Variants in RYR2 observed in about 807,000 individuals in gnomAD.
RYR2 encodes the protein cardiac muscle ryanodine receptor-calcium release channel.
RYR2 carries 227 observed loss-of-function variants against 601.1 expected under a neutral mutation model. That is an observed-to-expected ratio of 0.38 (90% confidence interval 0.34 to 0.42). The LOEUF (loss-of-function observed/expected upper bound fraction) is 0.42. Among genes scored for constraint, RYR2 ranks in the 10% least tolerant of loss-of-function variants. RYR2 has a pLI of 1.00. For missense variants in RYR2, 4,646 were observed against 6,156.5 expected, an observed-to-expected ratio of 0.75 and a Z score of 8.21; for synonymous variants, 2,223 against 2,175.1, an observed-to-expected ratio of 1.02 and a Z score of -0.61.
chr1:237,379,406 TA>T (rs1701273987), intron 8 of RYR2, among the ~76,000 whole-genome samples: 2 of 152,150 alleles, frequency 1.3e-5, no homozygotes, highest in Non-Finnish European at 2.9e-5. Context: ...TTCTCATCTG[TA>T]AAAAATGAGG....
intron 17 of RYR2, among the ~76,000 whole-genome samples, chr1:237,477,749 TGTGA>T (rs1395963408): frequency 5.3e-5 from 8 of 152,170 alleles, no homozygotes; most frequent in Admixed American, 4.6e-4. Context: ...TTCTCTGCAT[TGTGA>T]GTAACTTAGT....
In RYR2 at chr1:237,595,532, G is replaced by C. The variant is rs1212392127; in HGVS notation, c.4471G>C (p.Gly1491Arg). 1.2e-6 allele frequency: 2 copies of C among 1,613,554 alleles called. No homozygotes were observed. The highest frequency in any genetic ancestry group is 1.7e-6 in the Non-Finnish European group (2 of 1,179,698). Residue 1491 changes from glycine (G) to arginine (R), a missense_variant, in exon 34 of 105, where the codon GGT becomes CGT. Around this residue, in one of 17 missense-constraint regions of RYR2, gnomAD observed 1,807 missense variants for 2,088.1 expected, o/e 0.87. Transcript: ENST00000366574. The part of the protein sequence containing the change: ...KRSNCYMVCA[G>R]ESMSPGQGRN... The stretch of plus-strand genomic sequence containing the variant: ...CAGCAACTGCTATATGGTATGTGCG[G>C]GTGAGAGCATGAGCCCCGGGCAAGG...
At chr1:237,099,129 C>T (rs1223569457) in intron 1 of RYR2, among the ~76,000 whole-genome samples, 1 of 151,248 alleles carries the variant, frequency 6.6e-6, no homozygotes. Context: ...CCAGGAAATT[C>T]AATATCAGCA....
At chr1:237,311,137 A>G (rs921710300) in intron 2 of RYR2, among the ~76,000 whole-genome samples, 4 of 152,180 alleles carry the variant, frequency 2.6e-5, no homozygotes, top group African/African-American at 9.6e-5. Context: ...TCACTCAAAA[A>G]ATAGTTGGCT....
chr1:237,494,989 C>T (rs1166815678), intron 19 of RYR2, among the ~76,000 whole-genome samples: 1 of 152,052 alleles, frequency 6.6e-6, no homozygotes, highest in Non-Finnish European at 1.5e-5. Flanking sequence ...CGGGGTTTCA[C>T]CATGTTGGCC....
intron 2 of RYR2, among the ~76,000 whole-genome samples, chr1:237,322,432 G>A (rs916861512): frequency 3.3e-5 from 5 of 152,130 alleles, no homozygotes; most frequent in Non-Finnish European, 7.4e-5. Flanking sequence ...GAGGGCATGA[G>A]ACAAGGAACT....
rs56133827 is a variant in RYR2, at chr1:237,208,936, GTATATATATATATATATATA to G, written c.49-61531_49-61512del. 5.3e-3 allele frequency among the ~76,000 whole-genome samples: 479 copies of G among 89,876 alleles called. 10 individuals carry two copies. Among genetic ancestry groups the G allele is most frequent in the Middle Eastern group, 0.014 (2 of 142 alleles). The allele number at this position is 89,876 out of a possible 152,430, so 59.0% of individuals were successfully genotyped here. On this transcript the variant is annotated intron_variant, in intron 1 of 104. Transcript: ENST00000366574. Reference sequence around the variant, plus strand: ...CATCTGTACAACCAAATGTGTGTGTGTATATATATATATATATATATATATATATATATATATATATATAT... The same window carrying G: ...CATCTGTACAACCAAATGTGTGTGTGTATATATATATATATATATATATAT...
chr1:237,153,254 G>T (rs1318882028), intron 1 of RYR2, among the ~76,000 whole-genome samples: 1 of 152,148 alleles, frequency 6.6e-6, no homozygotes, highest in Non-Finnish European at 1.5e-5. Context: ...GGGAAGGAAT[G>T]AATTAGGAAG....
In RYR2 at chr1:237,643,306, G is replaced by GT. The variant is rs145140335; in HGVS notation, c.7222-12dup. ...ATTGATGTCACAAAGTTGTTCTAAT[G>GT]TTTTTTTTTCCCCTGTATAGTTGAT... is the stretch of plus-strand genomic sequence containing the variant. On this transcript the variant is annotated intron_variant, in intron 47 of 104. Coordinates refer to ENST00000366574, the MANE Select transcript of RYR2 (RefSeq NM_001035.3). 4,926 of 1,565,530 alleles carry GT rather than the reference G, an allele frequency of 3.1e-3. 83 individuals carry two copies. The African/African-American group carries it at 0.044, about 14-fold the overall frequency.
intron 63 of RYR2, among the ~76,000 whole-genome samples, chr1:237,688,460 C>T (rs1334173168): frequency 6.6e-6 from 1 of 151,916 alleles, no homozygotes; most frequent in African/African-American, 2.4e-5. Context: ...AAGTTCTTCA[C>T]ATTACACTTT....
At chr1:237,147,181 A>G (rs1190893633) in intron 1 of RYR2, among the ~76,000 whole-genome samples, 1 of 152,218 alleles carries the variant, frequency 6.6e-6, no homozygotes, top group Non-Finnish European at 1.5e-5. Flanking sequence ...GCTGAATTGC[A>G]TATTTACATG....
intron 32 of RYR2, 137 bp downstream of exon 32, chr1:237,591,990 G>A (rs1675255785): frequency 1.3e-5 from 9 of 695,956 alleles, no homozygotes; most frequent in Non-Finnish European, 1.8e-5. Flanking sequence ...ATATATTTTG[G>A]GGACTGAAAG....
intron 101 of RYR2, 43 bp from the exon 102 acceptor site, chr1:237,828,338 C>A: frequency 7.3e-7 from 1 of 1,370,842 alleles, no homozygotes; most frequent in African/African-American, 1.4e-5. Context: ...CTGAATTATT[C>A]ATTGCTTGAT....
chr1:237,063,599 T>TAC (rs1193815084), intron 1 of RYR2, among the ~76,000 whole-genome samples: 2 of 147,046 alleles, frequency 1.4e-5, no homozygotes, highest in African/African-American at 5.4e-5. Context: ...CACACACACA[T>TAC]ACACACTCTC....
intron 98 of RYR2, among the ~76,000 whole-genome samples, chr1:237,805,416 T>TA (rs1214684063): frequency 6.6e-6 from 1 of 151,764 alleles, no homozygotes; most frequent in East Asian, 1.9e-4. Context: ...CCGTCTCTAC[T>TA]AAAAATACAA....
intron 84 of RYR2, among the ~76,000 whole-genome samples, chr1:237,765,783 A>T (rs1351098521): frequency 6.6e-6 from 1 of 152,210 alleles, no homozygotes; most frequent in Non-Finnish European, 1.5e-5. Context: ...TTTTCTTAAC[A>T]TCCTTGCAGT....
chr1:237,727,174 A>G lies in RYR2; in HGVS notation c.10813A>G (p.Met3605Val), dbSNP rs745936598. Residue 3605 changes from methionine (M) to valine (V), a missense_variant, in exon 76 of 105, where the codon ATG (methionine) becomes GTG (valine). Around this residue, in one of 17 missense-constraint regions of RYR2, gnomAD observed 1,497 missense variants for 1,842.6 expected, o/e 0.81. Coordinates refer to ENST00000366574, the MANE Select transcript of RYR2 (RefSeq NM_001035.3). ...RKRAVVACFR[M>V]APLYNLPRHR... ...AAGGGCTGTTGTAGCCTGCTTCCGG[A>G]TGGCCCCCTTATATAATCTGCCAAG... 4 of 1,573,076 alleles carry G rather than the reference A, an allele frequency of 2.5e-6. No individual in the cohort carries two copies. Among genetic ancestry groups the G allele is most frequent in the Non-Finnish European group, 3.5e-6 (4 of 1,156,146 alleles).
intron 2 of RYR2, among the ~76,000 whole-genome samples, chr1:237,293,518 C>T (rs140775538): frequency 0.012 from 1,854 of 152,264 alleles, 17 homozygotes; most frequent in Non-Finnish European, 0.017. Flanking sequence ...GCCCCTACTT[C>T]AGATTCCAGC....
At chr1:237,202,168 A>G (rs1681267927) in intron 1 of RYR2, among the ~76,000 whole-genome samples, 1 of 152,224 alleles carries the variant, frequency 6.6e-6, no homozygotes, top group Non-Finnish European at 1.5e-5. Context: ...ATTTACTTAT[A>G]CAATTTGCAT....
Sources: allele counts gnomAD v4.1 joint callset (sites outside exome capture counted in the v4.1 genomes callset), GRCh38; gene constraint gnomAD v4.1.1; regional missense constraint gnomAD v4.1.1; transcripts MANE v1.5; gene names NCBI Gene and HGNC (gene_info 2026-07-23, HGNC 2026-07-21).